Variants in ZMIZ1 observed in about 807,000 individuals in gnomAD.
The protein encoded by ZMIZ1 is zinc finger MIZ-type containing 1, also known as zinc finger MIZ domain-containing protein 1.
Under a neutral mutation model 113.9 loss-of-function variants are expected in ZMIZ1, and 17 were observed. The observed-to-expected ratio is 0.15, with a 90% CI of 0.10 to 0.22. ZMIZ1 has a LOEUF of 0.22. ZMIZ1 is among the 10% of genes least tolerant of loss of function. The probability of loss-of-function intolerance (pLI) is 1.00; values close to 1 mark genes in which losing one functional copy is unlikely to be tolerated. For synonymous variants in ZMIZ1, 607 were observed against 603.1 expected (o/e 1.01, Z -0.09); for missense variants, 1,059 against 1,477.8 (o/e 0.72, Z 4.65).
Position 79,178,610 on chromosome 10 carries a change from A to G in ZMIZ1, c.-50+16477A>G, listed in dbSNP as rs545083434. Among the ~76,000 whole-genome samples the G allele has an allele frequency of 2.5e-4, 38 of 152,220 alleles. No homozygotes were observed. In the South Asian group the frequency reaches 3.1e-3, roughly 12 times the overall value. ...GCTTTATGGAAGACAGATTAAGGCTATCTCCTCCTGGTGGGTTCATGTCTT... is the reference window on the plus strand; with the variant it reads ...GCTTTATGGAAGACAGATTAAGGCTGTCTCCTCCTGGTGGGTTCATGTCTT... On this transcript the variant is annotated intron_variant, in intron 4 of 24. Transcript: ENST00000334512.
At chr10:79,290,388 T>C (rs1853401782) in intron 9 of ZMIZ1, among the ~76,000 whole-genome samples, 1 of 152,224 alleles carries the variant, frequency 6.6e-6, no homozygotes, top group Non-Finnish European at 1.5e-5. Flanking sequence ...CTCCCACCTG[T>C]CTGACCTCTG....
chr10:79,254,232 G>T (rs1295271441), intron 7 of ZMIZ1, among the ~76,000 whole-genome samples: 7 of 152,206 alleles, frequency 4.6e-5, no homozygotes, highest in Admixed American at 4.6e-4. Context: ...GCACATCTCA[G>T]GGTGGCCTGT....
chr10:79,293,383 G>A lies in ZMIZ1; in HGVS notation c.960G>A (p.Met320Ile), dbSNP rs1288430485. The A allele has an allele frequency of 2.7e-6, 4 of 1,503,506 alleles. No homozygotes were observed. In the East Asian group the frequency reaches 9.2e-5, roughly 34 times the overall value. 93.1% of individuals were successfully genotyped at this position (1,503,506 alleles called of 1,614,324 possible). A position where few individuals can be genotyped will look rare whatever the true frequency, so the allele number is the denominator to read the frequency against. Residue 320 changes from methionine to isoleucine, a missense_variant and splice_region_variant, in exon 12 of 25, where the codon ATG (methionine) becomes ATA (isoleucine). Physicochemically the swap from Met to Ile is conservative, Grantham distance 10. Coordinates refer to ENST00000334512, the MANE Select transcript of ZMIZ1 (RefSeq NM_020338.4). ...QNKDINQYGP[M>I]GPTQAYNSQF... ...TGAAGGTCTGTTCCTCTTTCCAGAT[G>A]GGTCCCACCCAGGCGTATAACAGCC...
At chr10:79,283,295 A>G (rs1407604916) in intron 8 of ZMIZ1, among the ~76,000 whole-genome samples, 1 of 152,024 alleles carries the variant, frequency 6.6e-6, no homozygotes, top group Non-Finnish European at 1.5e-5. Context: ...CTGGGCCTTG[A>G]GTTTCAGCTG....
At chr10:79,291,762 G>A (rs894204774) in intron 10 of ZMIZ1, among the ~76,000 whole-genome samples, 1 of 152,206 alleles carries the variant, frequency 6.6e-6, no homozygotes, top group African/African-American at 2.4e-5. Context: ...CACCAGCCCT[G>A]GCTGGGTTTC....
chr10:79,271,261 C>G (rs1253900342), intron 7 of ZMIZ1, among the ~76,000 whole-genome samples: 2 of 152,202 alleles, frequency 1.3e-5, no homozygotes, highest in East Asian at 3.8e-4. Context: ...AGTCCCAGGA[C>G]CATCCTGTTG....
intron 7 of ZMIZ1, among the ~76,000 whole-genome samples, chr10:79,245,279 A>G (rs1850123086): frequency 6.6e-6 from 1 of 152,094 alleles, no homozygotes; most frequent in Admixed American, 6.5e-5. Context: ...CCAGTTTCAG[A>G]TGGGAAAACT....
intron 4 of ZMIZ1, among the ~76,000 whole-genome samples, chr10:79,195,648 C>T (rs556640875): frequency 7.2e-5 from 11 of 152,210 alleles, no homozygotes; most frequent in Non-Finnish European, 1.2e-4. Flanking sequence ...CGTGTCACCT[C>T]CCAAAGGTGG....
intron 8 of ZMIZ1, among the ~76,000 whole-genome samples, chr10:79,278,645 C>G (rs554996532): frequency 3.3e-5 from 5 of 151,578 alleles, no homozygotes; most frequent in Admixed American, 1.3e-4. Context: ...TGACTCTTAA[C>G]GAGCATGCTG....
chr10:79,211,318 G>A (rs1397929751), intron 6 of ZMIZ1, among the ~76,000 whole-genome samples: 4 of 152,218 alleles, frequency 2.6e-5, no homozygotes, highest in South Asian at 2.1e-4. Flanking sequence ...CCCTGTTGCC[G>A]GTGCCCCTGT....
At chr10:79,289,702 G>A in intron 8 of ZMIZ1, 73 bp from the exon 9 acceptor site, 1 of 1,392,358 alleles carries the variant, frequency 7.2e-7, no homozygotes, top group Admixed American at 1.8e-5. Flanking sequence ...TCACTTGGTG[G>A]GGTGATGGGC....
chr10:79,270,852 C>T (rs1334027783), intron 7 of ZMIZ1, among the ~76,000 whole-genome samples: 1 of 152,134 alleles, frequency 6.6e-6, no homozygotes, highest in Non-Finnish European at 1.5e-5. Flanking sequence ...GTTCTGGATC[C>T]TGGGGAACTG....
chr10:79,224,941 G>A (rs369187752), intron 7 of ZMIZ1, among the ~76,000 whole-genome samples: 5 of 152,196 alleles, frequency 3.3e-5, no homozygotes, highest in South Asian at 2.1e-4. Context: ...TGGACACCTG[G>A]GGCTCAGTCC....
chr10:79,175,788 A>C, intron 4 of ZMIZ1, among the ~76,000 whole-genome samples: 2 of 151,000 alleles, frequency 1.3e-5, no homozygotes, highest in African/African-American at 2.4e-5. Context: ...TGTGGAGCCC[A>C]CTCCTTGCAG....
At chr10:79,079,900 G>C (rs1180859816) in intron 1 of ZMIZ1, among the ~76,000 whole-genome samples, 2 of 152,188 alleles carry the variant, frequency 1.3e-5, no homozygotes, top group Non-Finnish European at 2.9e-5. Flanking sequence ...GCATTTTGTG[G>C]GTCCCGCCCA....
chr10:79,253,016 A>G (rs1253982107), intron 7 of ZMIZ1, among the ~76,000 whole-genome samples: 2 of 152,196 alleles, frequency 1.3e-5, no homozygotes, highest in Non-Finnish European at 2.9e-5. Context: ...ACTGTGGGGA[A>G]GGTGAAAAAA....
intron 7 of ZMIZ1, among the ~76,000 whole-genome samples, chr10:79,259,502 G>A (rs1851127726): frequency 6.6e-6 from 1 of 152,124 alleles, no homozygotes; most frequent in Non-Finnish European, 1.5e-5. Flanking sequence ...GGGGTATTTT[G>A]GGATGCAGGA....
At chr10:79,163,716 A>G (rs913064383) in intron 4 of ZMIZ1, among the ~76,000 whole-genome samples, 8 of 152,190 alleles carry the variant, frequency 5.3e-5, no homozygotes, top group African/African-American at 7.2e-5. Context: ...CAAGCATGGG[A>G]GCTGCTTGGG....
intron 4 of ZMIZ1, among the ~76,000 whole-genome samples, chr10:79,171,600 T>A (rs912623518): frequency 1.3e-5 from 2 of 152,200 alleles, no homozygotes; most frequent in Non-Finnish European, 2.9e-5. Flanking sequence ...ACAGGGGAGC[T>A]CACAGTCTAG....
Sources: allele counts gnomAD v4.1 joint callset (sites outside exome capture counted in the v4.1 genomes callset), GRCh38; gene constraint gnomAD v4.1.1; transcripts MANE v1.5; gene names NCBI Gene and HGNC (gene_info 2026-07-23, HGNC 2026-07-21).